Variants in TFRC observed in about 807,000 individuals in gnomAD.
The protein encoded by TFRC is transferrin receptor.
A neutral mutation model predicts 85.8 loss-of-function variants in TFRC; 35 were observed. That is an observed-to-expected ratio of 0.41 (90% CI 0.31 to 0.54). The LOEUF is 0.54. TFRC is among the 20% of genes least tolerant of loss of function. The probability of loss-of-function intolerance (pLI) is 0.31; values close to 1 mark genes in which losing one functional copy is unlikely to be tolerated. For synonymous variants in TFRC, 362 were observed against 328.6 expected (o/e 1.10, Z -1.10); for missense variants, 828 against 921.5 (o/e 0.90, Z 1.31).
rs369766747 is a variant in TFRC, at chr3:196,064,320, A to G, written c.1307T>C (p.Met436Thr). 6.5e-5 allele frequency: 104 copies of G among 1,610,672 alleles called. 1 individual carries two copies. Among genetic ancestry groups the G allele is most frequent in the Middle Eastern group, 1.7e-4 (1 of 6,056 alleles). ...AATTTGTACTCTACCTTTTAAGACCATATCTGAGAACATCTGGGCAAGTTT... is the reference window on the plus strand; with the variant it reads ...AATTTGTACTCTACCTTTTAAGACCGTATCTGAGAACATCTGGGCAAGTTT... The part of the protein sequence containing the change: ...LLKLAQMFSD[M>T]VLKDGFQPSR... Residue 436 changes from methionine (M) to threonine (T), a missense_variant, in exon 11 of 19, where the codon ATG becomes ACG. Met to Thr is a moderately conservative substitution (Grantham distance 81). Transcript: ENST00000360110.
intron 4 of TFRC, among the ~76,000 whole-genome samples, chr3:196,073,272 T>C (rs1425875792): frequency 1.4e-5 from 2 of 146,018 alleles, no homozygotes; most frequent in Non-Finnish European, 3.0e-5. Context: ...CTGGGAGACA[T>C]GGTGAGACTC....
chr3:196,077,939 C>A (rs951408966), intron 1 of TFRC, among the ~76,000 whole-genome samples: 14 of 152,106 alleles, frequency 9.2e-5, no homozygotes, highest in East Asian at 1.9e-4. Context: ...ACACAGATTA[C>A]GCTGTTTTAC....
At chr3:196,052,675 A>C (rs1716431166) in intron 18 of TFRC, among the ~76,000 whole-genome samples, 1 of 152,038 alleles carries the variant, frequency 6.6e-6, no homozygotes, top group African/African-American at 2.4e-5. Context: ...TCCTGACCTC[A>C]GGTGATCCGC....
intron 14 of TFRC, among the ~76,000 whole-genome samples, chr3:196,059,431 G>A (rs924617808): frequency 6.6e-6 from 1 of 152,130 alleles, no homozygotes; most frequent in African/African-American, 2.4e-5. Flanking sequence ...CTTCCTTCTA[G>A]TGCATCTTAT....
At chr3:196,064,849 GC>G in intron 10 of TFRC, among the ~76,000 whole-genome samples, 1 of 152,290 alleles carries the variant, frequency 6.6e-6, no homozygotes, top group Admixed American at 6.5e-5. Context: ...TTTATTATCT[GC>G]CCCCTTAAGA....
In TFRC at chr3:196,062,557, C is replaced by A. The variant is rs507131; in HGVS notation, c.1468+25G>T. ...TCAAAAAAGTTTACCTGAATTCATA[C>A]ACAGCTAATGAAAGGGATACTTACC... On this transcript the variant is annotated intron_variant, in intron 13 of 18. Transcript: ENST00000360110. 0.88 allele frequency: 1,408,727 copies of A among 1,592,122 alleles called. 635,521 individuals are homozygous for A. The highest frequency in any genetic ancestry group is 0.93 in the Non-Finnish European group (1,086,937 of 1,169,176).
chr3:196,067,489 T>G (rs750335688), intron 9 of TFRC, 29 bp downstream of exon 9: 2 of 1,609,934 alleles, frequency 1.2e-6, no homozygotes, highest in Non-Finnish European at 1.7e-6. Flanking sequence ...AACCTCACTA[T>G]GCAAGACCGC....
chr3:196,077,454 CAA>C (rs1718800689), intron 1 of TFRC, among the ~76,000 whole-genome samples: 1 of 150,830 alleles, frequency 6.6e-6, no homozygotes, highest in South Asian at 2.2e-4. Flanking sequence ...TCTGAGTAGA[CAA>C]AAGTGACACA....
chr3:196,055,404 T>C (rs566093226), intron 16 of TFRC, 103 bp from the exon 17 acceptor site: 14 of 918,312 alleles, frequency 1.5e-5, no homozygotes, highest in East Asian at 4.9e-5. Context: ...GTTCCACCCT[T>C]GCTTCTAACA....
Position 196,071,456 on chromosome 3 carries a change from A to G in TFRC, c.627T>C (p.Leu209=), listed in dbSNP as rs1316136734. The G allele has an allele frequency of 5.0e-6, 8 of 1,614,096 alleles. No individual in the cohort carries two copies. Among genetic ancestry groups the G allele is most frequent in the Non-Finnish European group, 6.8e-6 (8 of 1,179,978 alleles). The stretch of plus-strand genomic sequence containing the variant: ...CCCCAGGATTCTCCACCAGGTAAAC[A>G]AGTCTACCGTTCTTATCAACTATGA... ...SVIIVDKNGR[L]VYLVENPGGY... The change falls in exon 6 of 19, where the codon CTT becomes CTC. Residue 209 remains leucine, a synonymous_variant. Coordinates refer to ENST00000360110, the MANE Select transcript of TFRC (RefSeq NM_001128148.3).
At chr3:196,053,673 G>A in intron 17 of TFRC, 115 bp from the exon 18 acceptor site, 1 of 1,322,182 alleles carries the variant, frequency 7.6e-7, no homozygotes, top group Non-Finnish European at 1.1e-6. Context: ...TCGCAGATAA[G>A]CTCAAGACTC....
chr3:196,075,210 T>C lies in TFRC; in HGVS notation c.187A>G (p.Ser63Gly). The C allele has an allele frequency of 6.2e-7, 1 of 1,614,238 alleles. No individual in the cohort carries two copies. The highest frequency in any genetic ancestry group is 1.3e-5 in the African/African-American group (1 of 75,062). ...KANVTKPKRC[S>G]GSICYGTIAV... is the part of the protein sequence containing the mutation. ...ATAGTCCCATAGCAGATACTTCCAC[T>C]ACACCTTTTTGGTTTTGTGACATTG... The change falls in exon 3 of 19, where the codon AGT becomes GGT. Residue 63 changes from serine (S) to glycine (G), a missense_variant. By Grantham distance (56) the Ser-to-Gly change is moderately conservative. Coordinates refer to ENST00000360110, the MANE Select transcript of TFRC (RefSeq NM_001128148.3).
intron 1 of TFRC, among the ~76,000 whole-genome samples, chr3:196,080,357 G>C (rs1719062780): frequency 6.6e-6 from 1 of 152,204 alleles, no homozygotes; most frequent in African/African-American, 2.4e-5. Context: ...ACCTGCCTCG[G>C]CCTCCCAAAG....
chr3:196,079,794 T>G (rs1408449439), intron 1 of TFRC, among the ~76,000 whole-genome samples: 1 of 152,154 alleles, frequency 6.6e-6, no homozygotes, highest in Non-Finnish European at 1.5e-5. Flanking sequence ...TTCACTACCC[T>G]CTATTTTCTC....
chr3:196,078,830 A>G (rs1057434776), intron 1 of TFRC, among the ~76,000 whole-genome samples: 15 of 150,942 alleles, frequency 9.9e-5, no homozygotes, highest in African/African-American at 3.7e-4. Flanking sequence ...GCTGGAGTGC[A>G]ATGGCAGGAT....
rs1716301449 is a variant in TFRC, at chr3:196,051,484, G to A, written c.*458C>T. ...TGAGGAAACCAGCTACATTCCTTAT[G>A]GAAAGGCTTAGATCTCATTTGGAGA... On this transcript the variant is annotated 3_prime_UTR_variant, in exon 19 of 19. Coordinates refer to ENST00000360110, the MANE Select transcript of TFRC (RefSeq NM_001128148.3). The A allele has an allele frequency of 4.5e-6, 1 of 221,776 alleles. No individual in the cohort carries two copies. The highest frequency in any genetic ancestry group is 9.0e-6 in the Non-Finnish European group (1 of 110,854). 13.7% of individuals were successfully genotyped at this position (221,776 alleles called of 1,614,324 possible).
At chr3:196,069,696 G>A (rs867393585) in intron 6 of TFRC, 128 bp from the exon 7 acceptor site, 3 of 551,618 alleles carry the variant, frequency 5.4e-6, no homozygotes, top group Non-Finnish European at 9.6e-6. Context: ...GGAGGCCAAG[G>A]CCTAAAAAAG....
chr3:196,058,431 C>T, intron 15 of TFRC, 66 bp from the exon 16 acceptor site: 1 of 1,508,912 alleles, frequency 6.6e-7, no homozygotes, highest in South Asian at 1.2e-5. Flanking sequence ...TCGTGCTAGT[C>T]CCCCCATCCA....
In TFRC at chr3:196,051,865, T is replaced by C; in HGVS notation, c.*77A>G. On this transcript the variant is annotated 3_prime_UTR_variant, in exon 19 of 19. Coordinates refer to ENST00000360110, the MANE Select transcript of TFRC (RefSeq NM_001128148.3). Reference sequence around the variant, plus strand: ...TTAACATCAGGTTTTGTAGCCCTACTGAAAATTTAGCACGATCAGCACAAG... The same window carrying C: ...TTAACATCAGGTTTTGTAGCCCTACCGAAAATTTAGCACGATCAGCACAAG... 6.5e-7 allele frequency: 1 copy of C among 1,534,496 alleles called. No individual in the cohort carries two copies. The highest frequency in any genetic ancestry group is 8.8e-7 in the Non-Finnish European group (1 of 1,136,586).
Sources: gnomAD v4.1 joint callset for allele counts (sites outside exome capture counted in the v4.1 genomes callset) on GRCh38, gnomAD v4.1.1 for gene constraint, MANE v1.5 for transcripts, NCBI Gene and HGNC (gene_info 2026-07-23, HGNC 2026-07-21) for gene names.